Variants in PTPRD observed in about 807,000 individuals in gnomAD.
PTPRD encodes protein tyrosine phosphatase receptor type D, also known as receptor-type tyrosine-protein phosphatase delta.
PTPRD carries 34 observed loss-of-function variants against 214.5 expected under a neutral mutation model. That is an observed-to-expected ratio of 0.16 (90% CI 0.12 to 0.21). The LOEUF is 0.21. PTPRD is among the 10% of genes least tolerant of loss of function. PTPRD has a pLI of 1.00. For synonymous variants in PTPRD, 1,128 were observed against 845.7 expected (o/e 1.33, Z -5.79); for missense variants, 2,545 against 2,398.7 (o/e 1.06, Z -1.27).
chr9:9,110,934 G>C (rs547655882), intron 10 of PTPRD, among the ~76,000 whole-genome samples: 1 of 152,122 alleles, frequency 6.6e-6, no homozygotes, highest in African/African-American at 2.4e-5. Flanking sequence ...GACAGAGACT[G>C]TATGGCCCAC....
At chr9:10,547,517 G>A (rs529802074) in intron 2 of PTPRD, among the ~76,000 whole-genome samples, 53 of 151,860 alleles carry the variant, frequency 3.5e-4, no homozygotes, top group African/African-American at 1.2e-3. Flanking sequence ...TTTGACCTGT[G>A]AGATTAAAAA....
chr9:9,164,032 T>C (rs1240598900), intron 10 of PTPRD, among the ~76,000 whole-genome samples: 1 of 152,188 alleles, frequency 6.6e-6, no homozygotes, highest in East Asian at 1.9e-4. Flanking sequence ...GTACTTCCCT[T>C]ATCATAACAC....
At chr9:9,372,379 G>C (rs1194416913) in intron 9 of PTPRD, among the ~76,000 whole-genome samples, 3 of 152,038 alleles carry the variant, frequency 2.0e-5, no homozygotes, top group African/African-American at 7.2e-5. Context: ...GGCCTTCTTT[G>C]TCTCTTTTGA....
At chr9:10,539,844 A>AT (rs2058697391) in intron 2 of PTPRD, among the ~76,000 whole-genome samples, 1 of 152,136 alleles carries the variant, frequency 6.6e-6, no homozygotes, top group African/African-American at 2.4e-5. Context: ...TATGGGTGGC[A>AT]TCATCAATCT....
At chr9:8,335,658 G>T (rs1430220670) in intron 43 of PTPRD, among the ~76,000 whole-genome samples, 3 of 152,198 alleles carry the variant, frequency 2.0e-5, no homozygotes, top group Non-Finnish European at 4.4e-5. Flanking sequence ...TCAGGCAAGA[G>T]AAAGAAGTAA....
chr9:10,167,153 A>C (rs955762259), intron 3 of PTPRD, among the ~76,000 whole-genome samples: 13 of 151,820 alleles, frequency 8.6e-5, no homozygotes, highest in African/African-American at 2.9e-4. Flanking sequence ...TCTAAGGCTA[A>C]CAGAAGCTTA....
At chr9:9,690,496 A>G (rs1404103483) in intron 7 of PTPRD, among the ~76,000 whole-genome samples, 1 of 151,576 alleles carries the variant, frequency 6.6e-6, no homozygotes, top group Non-Finnish European at 1.5e-5. Flanking sequence ...ATATAATCCC[A>G]TTTGTTTTTG....
chr9:9,342,953 A>C (rs771857177), intron 9 of PTPRD, among the ~76,000 whole-genome samples: 1 of 151,204 alleles, frequency 6.6e-6, no homozygotes, highest in Non-Finnish European at 1.5e-5. Flanking sequence ...TCATTGTTCA[A>C]CTCCCACTTA....
chr9:10,209,112 C>T (rs1335559859), intron 3 of PTPRD, among the ~76,000 whole-genome samples: 1 of 151,988 alleles, frequency 6.6e-6, no homozygotes, highest in Non-Finnish European at 1.5e-5. Flanking sequence ...AACTGTGTGA[C>T]TACAATATTA....
chr9:10,386,925 A>G (rs2097924185), intron 2 of PTPRD, among the ~76,000 whole-genome samples: 2 of 151,838 alleles, frequency 1.3e-5, no homozygotes, highest in South Asian at 4.1e-4. Context: ...AAAGGTCATT[A>G]CAAGATGGAA....
intron 6 of PTPRD, among the ~76,000 whole-genome samples, chr9:9,740,634 G>A (rs1050191577): frequency 5.3e-5 from 8 of 152,064 alleles, no homozygotes; most frequent in Non-Finnish European, 1.0e-4. Flanking sequence ...AAAGTGCTGG[G>A]ATTACAGGCC....
chr9:8,865,827 T>C lies in PTPRD; in HGVS notation c.-103-131881A>G, dbSNP rs372457962. On this transcript the variant is annotated intron_variant, in intron 11 of 45. Transcript: ENST00000381196. ...GAGTTTGGTCAGAGTTAGGCCTCAC[T>C]AATCACAACACACACCAAAATGTCC... Among the ~76,000 whole-genome samples the C allele has an allele frequency of 1.1e-4, 16 of 152,266 alleles. No homozygotes were observed. In the East Asian group the frequency reaches 2.9e-3, roughly 28 times the overall value.
Position 9,577,913 on chromosome 9 carries a change from G to C in PTPRD, c.-286-3132C>G, listed in dbSNP as rs1459920905. Among the ~76,000 whole-genome samples, 3 of 151,720 alleles carry C rather than the reference G, an allele frequency of 2.0e-5. No homozygotes were observed. The East Asian group carries it at 5.8e-4, about 30-fold the overall frequency. On this transcript the variant is annotated intron_variant, in intron 7 of 45. Coordinates refer to ENST00000381196, the MANE Select transcript of PTPRD (RefSeq NM_002839.4). Reference sequence around the variant, plus strand: ...ATACAAAAATTAGCTGGGTATGGTAGTGCACACCTGTAGTCCCAGGTACTT... The same window carrying C: ...ATACAAAAATTAGCTGGGTATGGTACTGCACACCTGTAGTCCCAGGTACTT...
chr9:10,298,182 T>C (rs12000609), intron 3 of PTPRD, among the ~76,000 whole-genome samples: 7,807 of 152,230 alleles, frequency 0.051, 678 homozygotes, highest in African/African-American at 0.18. Flanking sequence ...CAATCTTCTT[T>C]ATTTTCTGCA....
At chr9:9,866,973 T>G (rs560776530) in intron 5 of PTPRD, among the ~76,000 whole-genome samples, 5 of 152,284 alleles carry the variant, frequency 3.3e-5, no homozygotes, top group African/African-American at 1.2e-4. Context: ...ATATTTTGTT[T>G]GAGTATAGTC....
intron 2 of PTPRD, among the ~76,000 whole-genome samples, chr9:10,435,785 A>T (rs900463999): frequency 1.3e-5 from 2 of 151,866 alleles, no homozygotes; most frequent in African/African-American, 4.8e-5. Flanking sequence ...CTTCACAGAC[A>T]AGACAAAGGA....
chr9:10,483,736 C>A (rs1038895269), intron 2 of PTPRD, among the ~76,000 whole-genome samples: 6 of 152,136 alleles, frequency 3.9e-5, no homozygotes, highest in Non-Finnish European at 5.9e-5. Flanking sequence ...TATCACCTTA[C>A]TGTAGCCAGC....
rs185889943 is a variant in PTPRD, at chr9:8,501,493, T to C, written c.1823-434A>G. On this transcript the variant is annotated intron_variant, in intron 23 of 45. Coordinates refer to ENST00000381196, the MANE Select transcript of PTPRD (RefSeq NM_002839.4). Reference sequence around the variant, plus strand: ...TCACAGATGTTTCCAAGCTTTCACTTCTATATTCTAGAATGAGGATGGTTT... The same window carrying C: ...TCACAGATGTTTCCAAGCTTTCACTCCTATATTCTAGAATGAGGATGGTTT... 5.9e-4 allele frequency among the ~76,000 whole-genome samples: 90 copies of C among 152,302 alleles called. 1 individual carries two copies. The highest frequency in any genetic ancestry group is 2.0e-3 in the African/African-American group (84 of 41,562).
At chr9:10,521,714 G>T (rs193138483) in intron 2 of PTPRD, among the ~76,000 whole-genome samples, 2 of 151,986 alleles carry the variant, frequency 1.3e-5, no homozygotes, top group African/African-American at 2.4e-5. Context: ...GCATGGTGGC[G>T]GGACCCTACA....
Sources: allele counts gnomAD v4.1 joint callset (sites outside exome capture counted in the v4.1 genomes callset), GRCh38; gene constraint gnomAD v4.1.1; transcripts MANE v1.5; gene names NCBI Gene and HGNC (gene_info 2026-07-23, HGNC 2026-07-21).